The following DDB2 variants were observed in gnomAD, a reference collection of about 807,000 sequenced individuals.
DDB2 encodes damage specific DNA binding protein 2.
Under a neutral mutation model 50.5 loss-of-function variants are expected in DDB2, and 27 were observed. The ratio of observed to expected loss-of-function variants is 0.53; its 90% CI spans 0.39 to 0.74. The LOEUF (loss-of-function observed/expected upper bound fraction) is 0.74. Ranked by LOEUF, DDB2 falls within the 30% of genes least tolerant of loss-of-function variation. The pLI is 0.00. For synonymous variants in DDB2, 176 were observed against 205.5 expected (o/e 0.86, Z 1.23); for missense variants, 424 against 545.6 (o/e 0.78, Z 2.22).
intron 3 of DDB2, among the ~76,000 whole-genome samples, chr11:47,231,249 T>G (rs1667592): frequency 1 from 151,633 of 152,254 alleles, 75,508 homozygotes; most frequent in Middle Eastern, 1. Context: ...ATCATTTTCA[T>G]GAATGTTTGG....
intron 2 of DDB2, 126 bp downstream of exon 2, chr11:47,216,598 T>A: frequency 1.4e-6 from 2 of 1,411,792 alleles, no homozygotes; most frequent in Non-Finnish European, 2.0e-6. Flanking sequence ...CAGACTGTGG[T>A]GACTGGCCTA....
At position 47,215,090 on chromosome 11, in the gene DDB2, C is replaced by G. The variant is rs4647708; in HGVS notation, c.-47C>G. The G allele has an allele frequency of 1.2e-5, 19 of 1,613,694 alleles. No individual in the cohort carries two copies. The African/African-American group carries it at 2.1e-4, about 18-fold the overall frequency. ...CCCCAGAGGCCTCTCAATCCTCCCT[C>G]CATGATCTTCGCATAGAGCACAGTA... is the stretch of plus-strand genomic sequence containing the variant. On this transcript the variant is annotated 5_prime_UTR_variant, in exon 1 of 10. Transcript: ENST00000256996.
At chr11:47,214,872 C>T, upstream of DDB2, 2 of 527,504 alleles carry the variant, frequency 3.8e-6, no homozygotes, top group South Asian at 2.0e-5. Flanking sequence ...CCGCCCCTCC[C>T]GGGAGCGCTG....
intron 3 of DDB2, among the ~76,000 whole-genome samples, chr11:47,220,959 G>A (rs1316068887): frequency 6.6e-6 from 1 of 152,054 alleles, no homozygotes; most frequent in Non-Finnish European, 1.5e-5. Flanking sequence ...CAGGAGTTCC[G>A]AGACCAGCCT....
chr11:47,221,378 A>G (rs1953482536), intron 3 of DDB2, among the ~76,000 whole-genome samples: 1 of 150,810 alleles, frequency 6.6e-6, no homozygotes, highest in Non-Finnish European at 1.5e-5. Context: ...GGTTCAAGCT[A>G]TTCTCCTTCC....
intron 3 of DDB2, among the ~76,000 whole-genome samples, chr11:47,228,977 A>ATATATATCTATCTATC (rs1554974380): frequency 1.6e-5 from 2 of 124,690 alleles, no homozygotes; most frequent in African/African-American, 5.8e-5. Flanking sequence ...AAAAAAAGAA[A>ATATATATCTATCTATC]TATCTATCTA....
Position 47,214,998 on chromosome 11 carries a change from T to G in DDB2, c.-139T>G, listed in dbSNP as rs1247392691. On this transcript the variant is annotated 5_prime_UTR_variant, in exon 1 of 10. Transcript: ENST00000256996. ...TGGTTTGAACAAGCCCTGGGCATGT[T>G]TGGCGGGAAGTTGGCTTAGCTCGGC... 30 of 1,291,344 alleles carry G rather than the reference T, an allele frequency of 2.3e-5. 1 individual carries two copies. Among genetic ancestry groups the G allele is most frequent in the Non-Finnish European group, 3.0e-5 (27 of 897,490 alleles). The allele number at this position is 1,291,344 out of a possible 1,614,324, so 80.0% of individuals were successfully genotyped here.
chr11:47,215,257 G>C lies in DDB2; in HGVS notation c.121G>C (p.Gly41Arg). Residue 41 changes from glycine to arginine, a missense_variant, in exon 1 of 10, where the codon GGC becomes CGC. Physicochemically the swap from Gly to Arg is moderately radical, Grantham distance 125 (BLOSUM62 -2). Transcript: ENST00000256996. Reference protein sequence around the residue: ...EPEAKKLCAKGSGPSRRCDSD... With the variant: ...EPEAKKLCAKRSGPSRRCDSD... The stretch of plus-strand genomic sequence containing the variant: ...CGAGGCCAAGAAGCTCTGTGCGAAG[G>C]GCTCCGGTACTGCCTGTGCCTGCTG... The C allele has an allele frequency of 6.2e-7, 1 of 1,613,916 alleles. No individual in the cohort carries two copies. Among genetic ancestry groups the C allele is most frequent in the Non-Finnish European group, 8.5e-7 (1 of 1,179,978 alleles).
chr11:47,228,001 G>A (rs1055921940), intron 3 of DDB2, among the ~76,000 whole-genome samples: 1 of 151,754 alleles, frequency 6.6e-6, no homozygotes, highest in Non-Finnish European at 1.5e-5. Context: ...TTAGCTGGGC[G>A]TGGTGGCGCA....
chr11:47,236,796 C>T (rs1953731556), intron 7 of DDB2, among the ~76,000 whole-genome samples: 3 of 152,244 alleles, frequency 2.0e-5, no homozygotes, highest in Admixed American at 6.5e-5. Context: ...GTTGGTGTTC[C>T]TGTTAATCCA....
chr11:47,225,367 C>T (rs1015049144), intron 3 of DDB2, among the ~76,000 whole-genome samples: 3 of 151,184 alleles, frequency 2.0e-5, no homozygotes, highest in Non-Finnish European at 2.9e-5. Context: ...CTGAGGTGGA[C>T]GGATCACAAG....
Position 47,238,952 on chromosome 11 carries a change from CA to C in DDB2, c.*105del. The stretch of plus-strand genomic sequence containing the variant: ...GATTTGTTAAAGGGCCAAAAGTATC[CA>C]AGGTTAGGGTTGGAGCAGGGGTGCT... On this transcript the variant is annotated 3_prime_UTR_variant, in exon 10 of 10. Coordinates refer to ENST00000256996, the MANE Select transcript of DDB2 (RefSeq NM_000107.3). 1 of 1,283,578 alleles carries C rather than the reference CA, an allele frequency of 7.8e-7. No individual in the cohort carries two copies. Among genetic ancestry groups the C allele is most frequent in the Non-Finnish European group, 1.1e-6 (1 of 901,760 alleles). 79.5% of individuals were successfully genotyped at this position (1,283,578 alleles called of 1,614,324 possible). A position where few individuals can be genotyped will look rare whatever the true frequency, so the allele number is the denominator to read the frequency against.
chr11:47,215,590 A>C, intron 1 of DDB2: 2 of 356,956 alleles, frequency 5.6e-6, no homozygotes, highest in Admixed American at 4.0e-5. Flanking sequence ...TTTCATAGTC[A>C]CGCTTGTTAG....
intron 3 of DDB2, among the ~76,000 whole-genome samples, chr11:47,231,119 C>CAAAAAAA (rs139290057): frequency 2.7e-4 from 16 of 58,370 alleles, no homozygotes; most frequent in South Asian, 7.6e-4. Flanking sequence ...GCCTTCATCT[C>CAAAAAAA]AAAAAAAAAA....
In DDB2 at chr11:47,237,904, G is replaced by A; in HGVS notation, c.1091G>A (p.Cys364Tyr). The change falls in exon 8 of 10, where the codon TGT becomes TAT. Residue 364 changes from cysteine to tyrosine, a missense_variant. Coordinates refer to ENST00000256996, the MANE Select transcript of DDB2 (RefSeq NM_000107.3). ...GRYPDPNFKS[C>Y]TPYELRTIDV... is the part of the protein sequence containing the mutation. ...TACCCAGATCCTAATTTCAAAAGTT[G>A]TACCCCTTATGAATTGAGGACGATC... 2 of 1,614,074 alleles carry A rather than the reference G, an allele frequency of 1.2e-6. No individual in the cohort carries two copies. The highest frequency in any genetic ancestry group is 1.7e-6 in the Non-Finnish European group (2 of 1,180,010).
chr11:47,233,410 A>G (rs1395516587), intron 4 of DDB2: 1 of 238,052 alleles, frequency 4.2e-6, no homozygotes, highest in Non-Finnish European at 8.4e-6. Context: ...GTGGCTGGAG[A>G]AATTACAGAA....
chr11:47,215,117 C>A lies in DDB2; in HGVS notation c.-20C>A, dbSNP rs1464285868. ...ATGATCTTCGCATAGAGCACAGTACCCCTTCACACGGAGGACGCGATGGCT... is the reference window on the plus strand; with the variant it reads ...ATGATCTTCGCATAGAGCACAGTACACCTTCACACGGAGGACGCGATGGCT... On this transcript the variant is annotated 5_prime_UTR_variant, in exon 1 of 10. Coordinates refer to ENST00000256996, the MANE Select transcript of DDB2 (RefSeq NM_000107.3). 6.2e-7 allele frequency: 1 copy of A among 1,614,032 alleles called. No homozygotes were observed. The highest frequency in any genetic ancestry group is 8.5e-7 in the Non-Finnish European group (1 of 1,179,988).
At chr11:47,221,071 G>A (rs1211554577) in intron 3 of DDB2, among the ~76,000 whole-genome samples, 1 of 151,960 alleles carries the variant, frequency 6.6e-6, no homozygotes, top group Non-Finnish European at 1.5e-5. Context: ...TCTGAGGCAG[G>A]AGAATCACTT....
chr11:47,235,926 C>CTTTTTTTTTTT (rs10677833), intron 7 of DDB2: 2 of 61,824 alleles, frequency 3.2e-5, no homozygotes, highest in Non-Finnish European at 5.4e-5. Flanking sequence ...CAGGCTGATC[C>CTTTTTTTTTTT]TTTTTTTTTT....
Sources: allele counts gnomAD v4.1 joint callset (sites outside exome capture counted in the v4.1 genomes callset), GRCh38; gene constraint gnomAD v4.1.1; transcripts MANE v1.5; gene names NCBI Gene and HGNC (gene_info 2026-07-23, HGNC 2026-07-21).